Variants in ORMDL1 observed in about 807,000 individuals in gnomAD.
ORMDL1 encodes ORMDL sphingolipid biosynthesis regulator 1.
Under a neutral mutation model 13.0 loss-of-function variants are expected in ORMDL1, and 10 were observed. The observed-to-expected ratio is 0.77, with a 90% CI of 0.47 to 1.30. The LOEUF is 1.30. Ranked by LOEUF, ORMDL1 falls within the 50% of genes most tolerant of loss-of-function variation. The probability of loss-of-function intolerance (pLI) is 0.00; values close to 1 mark genes in which losing one functional copy is unlikely to be tolerated. For synonymous variants in ORMDL1, 61 were observed against 63.9 expected, an observed-to-expected ratio of 0.95 and a Z score of 0.22; for missense variants, 171 against 186.7, an observed-to-expected ratio of 0.92 and a Z score of 0.49.
Position 189,775,627 on chromosome 2 carries a change from T to C in ORMDL1, c.264A>G (p.Gln88=). 1 of 1,614,010 alleles carries C rather than the reference T, an allele frequency of 6.2e-7. No homozygotes were observed. The highest frequency in any genetic ancestry group is 8.5e-7 in the Non-Finnish European group (1 of 1,179,894). ...GKARLLTHWE[Q]LDYGVQFTSS... is the part of the protein sequence containing the mutation. ...ATGTAAACTGTACTCCATAGTCCAG[T>C]TGTTCCCAATGAGTTAGGAGCCTTG... Residue 88 remains glutamine (Q), a synonymous_variant, in exon 4 of 5, where the codon CAA becomes CAG. Coordinates refer to ENST00000392349, the MANE Select transcript of ORMDL1 (RefSeq NM_016467.5).
At chr2:189,782,814 G>T in intron 2 of ORMDL1, 200 bp downstream of exon 2, 2 of 440,396 alleles carry the variant, frequency 4.5e-6, no homozygotes, top group South Asian at 5.7e-5. Flanking sequence ...GACAAGACTT[G>T]TTATTATGGT....
At chr2:189,783,363 G>A (rs914216740) in intron 1 of ORMDL1, 2 of 152,174 alleles carry the variant, frequency 1.3e-5, no homozygotes, top group Non-Finnish European at 2.9e-5. Context: ...GTTTACTTGA[G>A]ACTAAGAATT....
At chr2:189,778,471 A>C (rs1181507618) in intron 3 of ORMDL1, 1 of 455,884 alleles carries the variant, frequency 2.2e-6, no homozygotes, top group African/African-American at 2.0e-5. Flanking sequence ...ATAAAGAGAT[A>C]AACTGCTAAT....
intron 4 of ORMDL1, among the ~76,000 whole-genome samples, chr2:189,772,865 G>A (rs1043988119): frequency 6.6e-6 from 1 of 152,132 alleles, no homozygotes; most frequent in Non-Finnish European, 1.5e-5. Flanking sequence ...AACATCACAA[G>A]AGAATTTTAT....
chr2:189,771,961 T>TA (rs2047589266), intron 4 of ORMDL1, 59 bp from the exon 5 acceptor site: 1 of 1,269,612 alleles, frequency 7.9e-7, no homozygotes, highest in African/African-American at 1.6e-5. Flanking sequence ...ACTTGGAACT[T>TA]AAACAATTTT....
chr2:189,764,850 T>C, the ORMDL1 span: 1 of 152,078 alleles, frequency 6.6e-6, no homozygotes, highest in Non-Finnish European at 1.5e-5. Flanking sequence ...TCTTTTTTTT[T>C]TTAGATGGAG....
At position 189,783,105 on chromosome 2, in the gene ORMDL1, T is replaced by C. The variant is rs892819960; in HGVS notation, c.-99A>G. On this transcript the variant is annotated 5_prime_UTR_variant, in exon 2 of 5. An upstream open reading frame in the 5' UTR loses its in-frame stop. Transcript: ENST00000392349. Reference sequence around the variant, plus strand: ...GTTCAGATCACTTCTTTCTGAATACTCAATGTGGAAGGTACATGCTGTTGA... The same window carrying C: ...GTTCAGATCACTTCTTTCTGAATACCCAATGTGGAAGGTACATGCTGTTGA... 3 of 154,342 alleles carry C rather than the reference T, an allele frequency of 1.9e-5. No homozygotes were observed. Among genetic ancestry groups the C allele is most frequent in the African/African-American group, 7.2e-5 (3 of 41,452 alleles). The allele number at this position is 154,342 out of a possible 1,614,324, so 9.6% of individuals were successfully genotyped here.
chr2:189,769,127 T>C (rs1298065053), downstream of ORMDL1, among the ~76,000 whole-genome samples: 1 of 152,184 alleles, frequency 6.6e-6, no homozygotes, highest in African/African-American at 2.4e-5. Flanking sequence ...CTCATGCCTG[T>C]AATCCCAGCC....
intron 4 of ORMDL1, among the ~76,000 whole-genome samples, chr2:189,772,210 G>A (rs2047593586): frequency 1.3e-5 from 2 of 152,134 alleles, no homozygotes; most frequent in Non-Finnish European, 2.9e-5. Flanking sequence ...TGTAATTACA[G>A]GTGTAGTTCT....
intron 3 of ORMDL1, among the ~76,000 whole-genome samples, chr2:189,777,940 G>C (rs1457588987): frequency 6.6e-6 from 1 of 152,156 alleles, no homozygotes; most frequent in Non-Finnish European, 1.5e-5. Context: ...ATATTCAAAG[G>C]AAACTTAAAT....
rs753052740 is a variant in ORMDL1 at position 189,782,536 on chromosome 2, C to T, written c.60G>A (p.Arg20=). 2.5e-6 allele frequency: 4 copies of T among 1,614,034 alleles called. No individual in the cohort carries two copies. The highest frequency in any genetic ancestry group is 3.4e-6 in the Non-Finnish European group (4 of 1,180,014). The part of the protein sequence containing the change: ...VNPNTRVMNS[R]GMWLTYALGV... ...CCAATGCATATGTCAGCCACATACC[C>T]CGGCTGTTCATGACACGGGTATTTG... Residue 20 remains arginine (R), a synonymous_variant, in exon 3 of 5, where the codon CGG becomes CGA. Coordinates refer to ENST00000392349, the MANE Select transcript of ORMDL1 (RefSeq NM_016467.5).
downstream of ORMDL1, among the ~76,000 whole-genome samples, chr2:189,768,951 G>A (rs2047526838): frequency 6.6e-6 from 1 of 152,146 alleles, no homozygotes; most frequent in Non-Finnish European, 1.5e-5. Flanking sequence ...GTTATGTAAA[G>A]ATTAGATTTT....
chr2:189,769,414 A>G (rs970482722), downstream of ORMDL1, among the ~76,000 whole-genome samples: 3 of 151,660 alleles, frequency 2.0e-5, no homozygotes, highest in African/African-American at 7.3e-5. Context: ...AAGTTAAGGC[A>G]GGGGGTTGAA....
In ORMDL1 at chr2:189,770,572, A is replaced by G. The variant is rs370634514; in HGVS notation, c.*1195T>C. On this transcript the variant is annotated 3_prime_UTR_variant, in exon 5 of 5. Coordinates refer to ENST00000392349, the MANE Select transcript of ORMDL1 (RefSeq NM_016467.5). ...TTACTGAATTTTTAAATTTTGTCCCATATCTGAACTTTGTTTTTTTTGACA... is the reference window on the plus strand; with the variant it reads ...TTACTGAATTTTTAAATTTTGTCCCGTATCTGAACTTTGTTTTTTTTGACA... The G allele has an allele frequency of 6.6e-5, 10 of 152,296 alleles. No homozygotes were observed. The highest frequency in any genetic ancestry group is 1.9e-4 in the African/African-American group (8 of 41,572). 9.4% of individuals were successfully genotyped at this position (152,296 alleles called of 1,614,324 possible).
chr2:189,778,382 G>A (rs915011113), intron 3 of ORMDL1: 1 of 453,884 alleles, frequency 2.2e-6, no homozygotes, highest in Admixed American at 2.4e-5. Context: ...GTGACAGAGT[G>A]AAACTCCGTC....
chr2:189,779,310 C>A (rs1450285540), intron 3 of ORMDL1, among the ~76,000 whole-genome samples: 1 of 152,102 alleles, frequency 6.6e-6, no homozygotes, highest in African/African-American at 2.4e-5. Flanking sequence ...GAGCCTATCA[C>A]TATTAAAATA....
In ORMDL1 at chr2:189,771,687, G is replaced by A; in HGVS notation, c.*80C>T. ...ATACTTCTCATTTCACATTATCACA[G>A]AAACAGTGCAGTTTACTAACCACTC... On this transcript the variant is annotated 3_prime_UTR_variant, in exon 5 of 5. Transcript: ENST00000392349. 8.1e-7 allele frequency: 1 copy of A among 1,237,964 alleles called. No individual in the cohort carries two copies. The highest frequency in any genetic ancestry group is 1.1e-6 in the Non-Finnish European group (1 of 903,098). The allele number at this position is 1,237,964 out of a possible 1,614,324, so 76.7% of individuals were successfully genotyped here. A position where few individuals can be genotyped will look rare whatever the true frequency, so the allele number is the denominator to read the frequency against.
chr2:189,774,871 G>A (rs2047659259), intron 4 of ORMDL1: 1 of 152,068 alleles, frequency 6.6e-6, no homozygotes, highest in African/African-American at 2.4e-5. Flanking sequence ...GTTGGGTGGG[G>A]ATAAAATATT....
downstream of ORMDL1, among the ~76,000 whole-genome samples, chr2:189,766,858 T>TGTCA (rs1381872351): frequency 2.0e-5 from 3 of 152,242 alleles, no homozygotes; most frequent in East Asian, 5.8e-4. Flanking sequence ...ACACAGTATT[T>TGTCA]GTCATTTTGT....
Sources: allele counts gnomAD v4.1 joint callset (sites outside exome capture counted in the v4.1 genomes callset), GRCh38; gene constraint gnomAD v4.1.1; transcripts MANE v1.5; gene names NCBI Gene and HGNC (gene_info 2026-07-23, HGNC 2026-07-21).